ITGA8: variants seen among roughly 807,000 people sequenced by gnomAD.
ITGA8 encodes integrin alpha-8.
Under a neutral mutation model 142.3 loss-of-function variants are expected in ITGA8, and 91 were observed. That is an observed-to-expected ratio of 0.64 (90% confidence interval 0.54 to 0.76). The LOEUF is 0.76. Among genes scored for constraint, ITGA8 ranks in the 30% least tolerant of loss-of-function variants. The pLI is 0.00. For synonymous variants in ITGA8, 505 were observed against 485.2 expected (o/e 1.04, Z -0.54); for missense variants, 1,406 against 1,327.7 (o/e 1.06, Z -0.92).
Position 15,515,610 on chromosome 10 carries a change from T to A in ITGA8, c.*1548A>T, listed in dbSNP as rs1832951322. ...CATACTTAACATTTAGGAAATTAAT[T>A]AAAAAAAAAAACGCCAGTGTAAACA... On this transcript the variant is annotated 3_prime_UTR_variant, in exon 30 of 30. Transcript: ENST00000378076. The A allele has an allele frequency of 6.7e-6, 1 of 148,216 alleles. No homozygotes were observed. Among genetic ancestry groups the A allele is most frequent in the South Asian group, 2.2e-4 (1 of 4,650 alleles). 9.2% of individuals were successfully genotyped at this position (148,216 alleles called of 1,614,324 possible).
chr10:15,710,142 AT>A (rs1232277670), intron 2 of ITGA8, among the ~76,000 whole-genome samples: 2 of 152,228 alleles, frequency 1.3e-5, no homozygotes. Flanking sequence ...AAGAAAAAAA[AT>A]GCATGAGAAA....
intron 25 of ITGA8, among the ~76,000 whole-genome samples, chr10:15,569,050 A>G (rs1194194843): frequency 6.6e-6 from 1 of 152,156 alleles, no homozygotes; most frequent in Non-Finnish European, 1.5e-5. Context: ...ATCTGTGGGG[A>G]TCAGGGAGAG....
intron 12 of ITGA8, among the ~76,000 whole-genome samples, chr10:15,644,482 ATATATATATAG>A (rs1833939490): frequency 7.7e-4 from 7 of 9,044 alleles, no homozygotes; most frequent in African/African-American, 1.1e-3. Context: ...ATATATATAT[ATATATATATAG>A]AATTTTTTTT....
intron 13 of ITGA8, among the ~76,000 whole-genome samples, chr10:15,620,178 AG>A (rs896973209): frequency 2.0e-5 from 3 of 152,260 alleles, no homozygotes; most frequent in Non-Finnish European, 4.4e-5. Flanking sequence ...TTAAATAGGG[AG>A]CATAAGTAAT....
intron 27 of ITGA8, among the ~76,000 whole-genome samples, chr10:15,537,894 G>C (rs1192396029): frequency 6.6e-6 from 1 of 151,782 alleles, no homozygotes; most frequent in African/African-American, 2.4e-5. Context: ...AAGGCAAGAG[G>C]ATCACTTGAA....
intron 2 of ITGA8, among the ~76,000 whole-genome samples, chr10:15,702,376 C>T (rs140551139): frequency 0.012 from 1,869 of 151,920 alleles, 18 homozygotes; most frequent in Middle Eastern, 0.017. Flanking sequence ...CTGCAACCTC[C>T]GCCTCCCGGA....
chr10:15,639,577 G>A (rs1430990946), intron 13 of ITGA8, among the ~76,000 whole-genome samples: 6 of 152,184 alleles, frequency 3.9e-5, no homozygotes, highest in South Asian at 4.1e-4. Flanking sequence ...AGTAAGGGCC[G>A]CACCTTAAGT....
At chr10:15,643,532 G>A (rs188819278) in intron 13 of ITGA8, among the ~76,000 whole-genome samples, 22 of 152,134 alleles carry the variant, frequency 1.4e-4, no homozygotes, top group Non-Finnish European at 2.8e-4. Context: ...CACCCACCTC[G>A]GCCTCCTAAA....
At chr10:15,535,623 C>T (rs142600132) in intron 27 of ITGA8, among the ~76,000 whole-genome samples, 185 of 152,148 alleles carry the variant, frequency 1.2e-3, no homozygotes, top group African/African-American at 4.3e-3. Context: ...CTAGTGGAGA[C>T]GTGGAGAACC....
rs138892251 is a variant in ITGA8 at position 15,540,062 on chromosome 10, C to G, written c.2880+8393G>C. Among the ~76,000 whole-genome samples the G allele has an allele frequency of 9.9e-3, 1,515 of 152,292 alleles. 23 individuals are homozygous for G. Among genetic ancestry groups the G allele is most frequent in the African/African-American group, 0.034 (1,400 of 41,556 alleles). ...GTGAGGCCTCCCCAGCCATGTGGAACTGTGAGTCAATTAAACATCTTTCCT... is the reference window on the plus strand; with the variant it reads ...GTGAGGCCTCCCCAGCCATGTGGAAGTGTGAGTCAATTAAACATCTTTCCT... On this transcript the variant is annotated intron_variant, in intron 27 of 29. Coordinates refer to ENST00000378076, the MANE Select transcript of ITGA8 (RefSeq NM_003638.3).
chr10:15,694,083 T>C (rs1834983604), intron 2 of ITGA8, among the ~76,000 whole-genome samples: 1 of 146,788 alleles, frequency 6.8e-6, no homozygotes, highest in Non-Finnish European at 1.5e-5. Flanking sequence ...AATCTATCTA[T>C]ATTATATTTA....
intron 27 of ITGA8, among the ~76,000 whole-genome samples, chr10:15,542,320 C>A (rs1380735811): frequency 6.6e-6 from 1 of 152,134 alleles, no homozygotes; most frequent in Non-Finnish European, 1.5e-5. Flanking sequence ...ATGCAGGAGC[C>A]ATGAGCTGTG....
intron 21 of ITGA8, among the ~76,000 whole-genome samples, chr10:15,593,409 T>A (rs535312602): frequency 3.9e-5 from 6 of 152,312 alleles, no homozygotes; most frequent in African/African-American, 1.4e-4. Flanking sequence ...TAGGAGCTGT[T>A]GTTGCTGACA....
intron 3 of ITGA8, among the ~76,000 whole-genome samples, chr10:15,686,596 T>C (rs1356367838): frequency 6.6e-6 from 1 of 152,234 alleles, no homozygotes; most frequent in Non-Finnish European, 1.5e-5. Flanking sequence ...AAACCCGCTA[T>C]GTATACCCAT....
intron 11 of ITGA8, among the ~76,000 whole-genome samples, chr10:15,647,449 G>GTTTTTTTTTT (rs71505078): frequency 1.1e-5 from 1 of 91,486 alleles, no homozygotes; most frequent in Non-Finnish European, 2.0e-5. Flanking sequence ...AAATTATTCA[G>GTTTTTTTTTT]TTTTTTTTTT....
chr10:15,623,093 T>A (rs1386137420), intron 13 of ITGA8, among the ~76,000 whole-genome samples: 1 of 152,168 alleles, frequency 6.6e-6, no homozygotes, highest in African/African-American at 2.4e-5. Context: ...TAGGAATTTA[T>A]CCTGAGGATA....
In ITGA8 at chr10:15,669,309, G is replaced by A. The variant is rs1384048502; in HGVS notation, c.847+2294C>T. On this transcript the variant is annotated intron_variant, in intron 8 of 29. Coordinates refer to ENST00000378076, the MANE Select transcript of ITGA8 (RefSeq NM_003638.3). ...GATACCCTTTCTTCCAGTTGATTGC[G>A]TCGGCTACTGAGGCTTCTGCATTTG... 5.3e-5 allele frequency among the ~76,000 whole-genome samples: 8 copies of A among 151,940 alleles called. No individual in the cohort carries two copies. The East Asian group carries it at 9.6e-4, about 18-fold the overall frequency.
intron 2 of ITGA8, among the ~76,000 whole-genome samples, chr10:15,703,761 A>G (rs1047372327): frequency 6.6e-6 from 1 of 152,170 alleles, no homozygotes; most frequent in Non-Finnish European, 1.5e-5. Context: ...ACATGCACAC[A>G]CGCACACATA....
chr10:15,651,191 C>T (rs543114514), intron 11 of ITGA8, among the ~76,000 whole-genome samples: 75 of 151,442 alleles, frequency 5.0e-4, no homozygotes, highest in Middle Eastern at 6.8e-3. Context: ...ACTCAAAAGC[C>T]GTAAGAAAAA....
Sources: allele counts gnomAD v4.1 joint callset (sites outside exome capture counted in the v4.1 genomes callset), GRCh38; gene constraint gnomAD v4.1.1; transcripts MANE v1.5; gene names NCBI Gene and HGNC (gene_info 2026-07-23, HGNC 2026-07-21).